GTF2A1L: variants seen among roughly 807,000 people sequenced by gnomAD.
GTF2A1L encodes the protein general transcription factor IIA subunit 1 like, also known as TFIIA-alpha and beta-like factor.
Under a neutral mutation model 49.7 loss-of-function variants are expected in GTF2A1L, and 48 were observed. That is an observed-to-expected ratio of 0.97 (90% CI 0.77 to 1.23). The LOEUF is 1.23. Among genes scored for constraint, GTF2A1L ranks in the 50% most tolerant of loss-of-function variants. The pLI is 0.00. For missense variants in GTF2A1L, 736 were observed against 564.8 expected (o/e 1.30, Z -3.07); for synonymous variants, 246 against 193.5 (o/e 1.27, Z -2.25).
intron 6 of GTF2A1L, among the ~76,000 whole-genome samples, chr2:48,664,613 A>G (rs2104285341): frequency 6.6e-6 from 1 of 152,148 alleles, no homozygotes; most frequent in South Asian, 2.1e-4. Context: ...TTTCTGATAG[A>G]GTTTTTAGCT....
intron 3 of GTF2A1L, among the ~76,000 whole-genome samples, chr2:48,631,310 T>C (rs949768346): frequency 6.6e-6 from 1 of 152,190 alleles, no homozygotes; most frequent in Admixed American, 6.5e-5. Flanking sequence ...GAACTCGATA[T>C]TGGTCTGTTC....
At position 48,667,102 on chromosome 2, in the gene GTF2A1L, C is replaced by T. The variant is rs1194599843; in HGVS notation, c.979-2620C>T. ...GCCTCCACCTCTTCAGCATGCACCACCACTCCCAGCTAATTTTTTTTTTTT... is the reference window on the plus strand; with the variant it reads ...GCCTCCACCTCTTCAGCATGCACCATCACTCCCAGCTAATTTTTTTTTTTT... On this transcript the variant is annotated intron_variant, in intron 6 of 8. Transcript: ENST00000403751. Among the ~76,000 whole-genome samples, 4 of 145,908 alleles carry T rather than the reference C, an allele frequency of 2.7e-5. No individual in the cohort carries two copies. The East Asian group carries it at 8.3e-4, about 30-fold the overall frequency.
intron 4 of GTF2A1L, 76 bp from the exon 5 acceptor site, chr2:48,644,957 T>G: frequency 7.5e-7 from 1 of 1,338,136 alleles, no homozygotes; most frequent in Non-Finnish European, 1.0e-6. Context: ...ATTTTTTGAC[T>G]CCCTGTGAGA....
chr2:48,664,996 A>G (rs1224175316), intron 6 of GTF2A1L, among the ~76,000 whole-genome samples: 1 of 151,914 alleles, frequency 6.6e-6, no homozygotes, highest in East Asian at 1.9e-4. Context: ...ATCTCGGCTC[A>G]CTGCAACCAG....
chr2:48,645,280 G>C (rs1677431508), intron 5 of GTF2A1L, among the ~76,000 whole-genome samples, 163 bp downstream of exon 5: 1 of 152,128 alleles, frequency 6.6e-6, no homozygotes, highest in Non-Finnish European at 1.5e-5. Flanking sequence ...TTGTTATAGA[G>C]ACAATCTACC....
chr2:48,623,008 G>A (rs1247729730), intron 3 of GTF2A1L, among the ~76,000 whole-genome samples: 1 of 151,940 alleles, frequency 6.6e-6, no homozygotes, highest in African/African-American at 2.4e-5. Flanking sequence ...TTAGCAGTTA[G>A]AATAATAGAA....
intron 3 of GTF2A1L, 137 bp downstream of exon 3, chr2:48,621,427 A>G: frequency 8.1e-7 from 1 of 1,234,324 alleles, no homozygotes; most frequent in South Asian, 1.6e-5. Flanking sequence ...TTAAATGAAC[A>G]CAGTATAAAT....
chr2:48,652,030 T>C (rs1677880177), intron 6 of GTF2A1L, among the ~76,000 whole-genome samples: 1 of 152,166 alleles, frequency 6.6e-6, no homozygotes, highest in South Asian at 2.1e-4. Context: ...TCATGTGAAT[T>C]TTTCAATGCC....
chr2:48,649,346 A>G (rs1198895142), intron 6 of GTF2A1L, among the ~76,000 whole-genome samples: 1 of 151,614 alleles, frequency 6.6e-6, no homozygotes, highest in Non-Finnish European at 1.5e-5. Flanking sequence ...CTTCATCTCC[A>G]CTCCTAGTGC....
chr2:48,651,727 GGCAGAATATTAAATTCTTCAT>G (rs914525762), intron 6 of GTF2A1L, among the ~76,000 whole-genome samples: 5 of 152,098 alleles, frequency 3.3e-5, no homozygotes, highest in African/African-American at 1.2e-4. Context: ...AAAAAATGTA[GGCAGAATATTAAATTCTTCAT>G]GCAGAATTTT....
chr2:48,659,743 A>T (rs6712472), intron 6 of GTF2A1L, among the ~76,000 whole-genome samples: 8,718 of 152,028 alleles, frequency 0.057, 867 homozygotes, highest in African/African-American at 0.2. Context: ...TGAAAATGAA[A>T]TTATTTTCCT....
rs567296873 is a variant in GTF2A1L, at chr2:48,642,929, C to T, written c.303+472C>T. Among the ~76,000 whole-genome samples the T allele has an allele frequency of 4.0e-5, 6 of 151,892 alleles. No individual in the cohort carries two copies. The South Asian group carries it at 6.2e-4, about 16-fold the overall frequency. ...CATCTGTAGCATAGATGTAATAAAA[C>T]GCAGAAGTTCCAGAATTGACATTTT... On this transcript the variant is annotated intron_variant, in intron 4 of 8. Transcript: ENST00000403751.
At chr2:48,666,746 A>G (rs1678866949) in intron 6 of GTF2A1L, among the ~76,000 whole-genome samples, 1 of 152,044 alleles carries the variant, frequency 6.6e-6, no homozygotes, top group Admixed American at 6.6e-5. Flanking sequence ...TTTTATTGTT[A>G]GAATTTTGTG....
At chr2:48,672,824 A>G (rs958540475) in intron 8 of GTF2A1L, among the ~76,000 whole-genome samples, 1 of 152,222 alleles carries the variant, frequency 6.6e-6, no homozygotes, top group African/African-American at 2.4e-5. Flanking sequence ...ATACAATTCA[A>G]TGGTTTATTT....
At chr2:48,652,477 G>T (rs1346334556) in intron 6 of GTF2A1L, among the ~76,000 whole-genome samples, 1 of 151,278 alleles carries the variant, frequency 6.6e-6, no homozygotes, top group Non-Finnish European at 1.5e-5. Context: ...TTAGCGGAGT[G>T]TGGTGGCAGG....
At chr2:48,643,038 T>A (rs1199493238) in intron 4 of GTF2A1L, among the ~76,000 whole-genome samples, 1 of 152,208 alleles carries the variant, frequency 6.6e-6, no homozygotes, top group Non-Finnish European at 1.5e-5. Flanking sequence ...TCTGAAGTTA[T>A]GTTGTATGGG....
chr2:48,649,221 A>G (rs1677708958), intron 6 of GTF2A1L, among the ~76,000 whole-genome samples: 1 of 152,158 alleles, frequency 6.6e-6, no homozygotes, highest in Admixed American at 6.5e-5. Context: ...ACTTAGTATA[A>G]TGTTTTCAAG....
chr2:48,656,427 T>C (rs940979813), intron 6 of GTF2A1L, among the ~76,000 whole-genome samples: 1 of 151,254 alleles, frequency 6.6e-6, no homozygotes, highest in African/African-American at 2.4e-5. Context: ...AGTTTTGATA[T>C]GTATTTCCCT....
intron 3 of GTF2A1L, among the ~76,000 whole-genome samples, chr2:48,634,495 G>C (rs1206390529): frequency 1.3e-5 from 2 of 152,144 alleles, no homozygotes. Context: ...TATAGGGTCT[G>C]TTTATAGGCC....
Sources: allele counts gnomAD v4.1 joint callset (sites outside exome capture counted in the v4.1 genomes callset), GRCh38; gene constraint gnomAD v4.1.1; transcripts MANE v1.5; gene names NCBI Gene and HGNC (gene_info 2026-07-23, HGNC 2026-07-21).